The following TRNT1 variants were observed in gnomAD, a reference collection of about 807,000 sequenced individuals.
TRNT1 encodes CCA tRNA nucleotidyltransferase 1, mitochondrial.
In TRNT1, 44 loss-of-function variants were observed where a neutral mutation model predicts 45.6. The ratio of observed to expected loss-of-function variants is 0.97; its 90% CI spans 0.76 to 1.24. TRNT1 has a LOEUF of 1.24. TRNT1 is among the 50% of genes most tolerant of loss of function. The probability of loss-of-function intolerance (pLI) is 0.00; values close to 1 mark genes in which losing one functional copy is unlikely to be tolerated. For synonymous variants in TRNT1, 201 were observed against 171.4 expected (o/e 1.17, Z -1.35); for missense variants, 633 against 504.4 (o/e 1.25, Z -2.44).
chr3:3,130,046 G>C, intron 2 of TRNT1: 1 of 1,237,526 alleles, frequency 8.1e-7, no homozygotes, highest in Non-Finnish European at 1.1e-6. Context: ...GCTTCTTGCT[G>C]TTGCCACAGT....
chr3:3,149,210 A>C (rs930021165), downstream of TRNT1: 1 of 152,160 alleles, frequency 6.6e-6, no homozygotes, highest in Admixed American at 6.5e-5. Flanking sequence ...GATGCAAGAA[A>C]GCCTCAGAAA....
chr3:3,127,142 A>G (rs1704631534), intron 1 of TRNT1, 152 bp downstream of exon 1: 1 of 152,232 alleles, frequency 6.6e-6, no homozygotes, highest in East Asian at 1.9e-4. Flanking sequence ...AGTGGGCAAA[A>G]TAGCCCCGAC....
At chr3:3,128,968 C>G in intron 1 of TRNT1, 46 bp from the exon 2 acceptor site, 1 of 1,389,680 alleles carries the variant, frequency 7.2e-7, no homozygotes, top group African/African-American at 1.4e-5. Flanking sequence ...CCTTCACTTA[C>G]CTTCACTTTT....
At position 3,148,138 on chromosome 3, in the gene TRNT1, A is replaced by T. The variant is rs774429750; in HGVS notation, c.1289A>T (p.Tyr430Phe). ...ATGGAAAAAGATGAACTTCTGAGTTACATAAAGAAGACCTAAAACTGATGG... is the reference window on the plus strand; with the variant it reads ...ATGGAAAAAGATGAACTTCTGAGTTTCATAAAGAAGACCTAAAACTGATGG... The part of the protein sequence containing the change: ...YQMEKDELLS[Y>F]IKKT The change falls in exon 8 of 8, where the codon TAC (tyrosine) becomes TTC (phenylalanine). Residue 430 changes from tyrosine (Y) to phenylalanine (F), a missense_variant. Transcript: ENST00000251607. The T allele has an allele frequency of 5.6e-6, 9 of 1,613,244 alleles. No individual in the cohort carries two copies. In the African/African-American group the frequency reaches 1.2e-4, roughly 22 times the overall value.
chr3:3,130,952 T>G lies in TRNT1; in HGVS notation c.148+1764T>G, dbSNP rs144814551. Among the ~76,000 whole-genome samples, 44 of 152,000 alleles carry G rather than the reference T, an allele frequency of 2.9e-4. 1 individual carries two copies. Among genetic ancestry groups the G allele is most frequent in the East Asian group, 1.7e-3 (9 of 5,158 alleles). Reference sequence around the variant, plus strand: ...TGAAAAATAGGCAAGCATACTGATATGTGTCTGTAGTCCCTGCTACTTGGG... The same window carrying G: ...TGAAAAATAGGCAAGCATACTGATAGGTGTCTGTAGTCCCTGCTACTTGGG... On this transcript the variant is annotated intron_variant, in intron 2 of 7. Transcript: ENST00000251607.
chr3:3,150,320 A>C (rs1706427116), downstream of TRNT1: 1 of 151,738 alleles, frequency 6.6e-6, no homozygotes, highest in African/African-American at 2.5e-5. Flanking sequence ...TTTACAAATC[A>C]GTATCTCAGA....
chr3:3,131,091 AATT>A (rs1179434040), intron 2 of TRNT1, among the ~76,000 whole-genome samples: 4 of 151,940 alleles, frequency 2.6e-5, no homozygotes, highest in Non-Finnish European at 5.9e-5. Flanking sequence ...AAAAAAAAAA[AATT>A]AATGAGATAT....
In TRNT1 at chr3:3,137,435, C is replaced by G; in HGVS notation, c.324C>G (p.His108Gln). The G allele has an allele frequency of 6.2e-7, 1 of 1,610,564 alleles. No homozygotes were observed. The highest frequency in any genetic ancestry group is 2.2e-5 in the East Asian group (1 of 44,798). Reference protein sequence around the residue: ...IRMINNRGEKHGTITARLHEE... With the variant: ...IRMINNRGEKQGTITARLHEE... The stretch of plus-strand genomic sequence containing the variant: ...TGATAAACAACAGAGGAGAAAAGCA[C>G]GGAACAATTACTGCCAGGGTGAGTC... The change falls in exon 3 of 8, where the codon CAC becomes CAG. Residue 108 changes from histidine (H) to glutamine (Q), a missense_variant. Coordinates refer to ENST00000251607, the MANE Select transcript of TRNT1 (RefSeq NM_182916.3).
rs755268217 is a variant in TRNT1, at chr3:3,140,679, G to A, written c.481+31G>A. On this transcript the variant is annotated intron_variant, in intron 4 of 7. Transcript: ENST00000251607. ...ATTTGCAGATAAAACCATATTGTGA[G>A]TCTATCAGAATGCCTTCTTTTCAAG... The A allele has an allele frequency of 2.0e-5, 32 of 1,605,254 alleles. No individual in the cohort carries two copies. The Admixed American group carries it at 2.7e-4, about 14-fold the overall frequency.
chr3:3,147,376 G>A lies in TRNT1; in HGVS notation c.803-74G>A, dbSNP rs2306767. 0.16 allele frequency: 240,047 copies of A among 1,531,206 alleles called. 20,029 individuals are homozygous for A. The highest frequency in any genetic ancestry group is 0.25 in the Admixed American group (13,223 of 52,088). 94.9% of individuals were successfully genotyped at this position (1,531,206 alleles called of 1,614,324 possible). The stretch of plus-strand genomic sequence containing the variant: ...ACAAAGCATTTCTGGATACTAAAAT[G>A]GTGGCAAGGTTTAGGATATGAGTGG... On this transcript the variant is annotated intron_variant, in intron 6 of 7. Coordinates refer to ENST00000251607, the MANE Select transcript of TRNT1 (RefSeq NM_182916.3).
intron 4 of TRNT1, among the ~76,000 whole-genome samples, chr3:3,144,229 C>G (rs548323393): frequency 6.6e-6 from 1 of 152,218 alleles, no homozygotes; most frequent in South Asian, 2.1e-4. Context: ...TTCTGTTAAT[C>G]CTGTTACGTA....
chr3:3,146,601 T>C lies in TRNT1; in HGVS notation c.780T>C (p.Asp260=), dbSNP rs150433086. ...HVNHLIHLIY[D]LDVAPYIGLP... is the part of the protein sequence containing the mutation. ...ATCATTTGATTCACCTTATCTATGA[T>C]CTTGATGTGGCTCCTTATATAGGTG... Residue 260 remains aspartate (D), a synonymous_variant, in exon 6 of 8, where the codon GAT becomes GAC. Transcript: ENST00000251607. 10 of 1,612,690 alleles carry C rather than the reference T, an allele frequency of 6.2e-6. No homozygotes were observed. In the East Asian group the frequency reaches 2.0e-4, roughly 32 times the overall value.
downstream of TRNT1, chr3:3,152,918 A>AGGTC: frequency 2.8e-6 from 1 of 361,670 alleles, no homozygotes. Flanking sequence ...TGCAATGACA[A>AGGTC]GGTCCTGTGT....
rs334767 is a variant in TRNT1, at chr3:3,137,578, A to T, written c.342+125A>T. 707,042 of 724,576 alleles carry T rather than the reference A, an allele frequency of 0.98. 346,974 individuals carry two copies. The highest frequency in any genetic ancestry group is 1 in the East Asian group (35,090 of 35,090). The allele number at this position is 724,576 out of a possible 1,614,324, so 44.9% of individuals were successfully genotyped here. Reference sequence around the variant, plus strand: ...AAAGTCAGTCTCTTCTATGCCCGTCATAAACCCTGCAGTCCTCTGTTCTTG... The same window carrying T: ...AAAGTCAGTCTCTTCTATGCCCGTCTTAAACCCTGCAGTCCTCTGTTCTTG... On this transcript the variant is annotated intron_variant, in intron 3 of 7. Transcript: ENST00000251607.
chr3:3,152,068 C>G (rs1706596745), downstream of TRNT1, among the ~76,000 whole-genome samples: 2 of 152,090 alleles, frequency 1.3e-5, no homozygotes, highest in Admixed American at 6.5e-5. Flanking sequence ...TCAACCTTTT[C>G]TTCCTTTCAT....
chr3:3,149,553 A>G (rs541810858), downstream of TRNT1: 9 of 151,968 alleles, frequency 5.9e-5, no homozygotes, highest in African/African-American at 1.4e-4. Flanking sequence ...GAGAGGTACT[A>G]TGCTACTGAC....
Position 3,144,654 on chromosome 3 carries a change from T to C in TRNT1, c.552T>C (p.Val184=). 1.9e-6 allele frequency: 3 copies of C among 1,582,240 alleles called. No homozygotes were observed. In the South Asian group the frequency reaches 3.4e-5, roughly 18 times the overall value. The change falls in exon 5 of 8, where the codon GTT becomes GTC. Residue 184 remains valine (V), a synonymous_variant. Coordinates refer to ENST00000251607, the MANE Select transcript of TRNT1 (RefSeq NM_182916.3). The part of the protein sequence containing the change: ...EDLKNKKVRF[V]GHAKQRIQED... ...TAAAAAATAAGAAAGTTAGATTTGT[T>C]GGACATGCTAAACAGAGAATACAAG...
downstream of TRNT1, chr3:3,150,332 A>AAGTT (rs1223469168): frequency 6.6e-6 from 1 of 152,384 alleles, no homozygotes; most frequent in African/African-American, 2.4e-5. Flanking sequence ...TATCTCAGAG[A>AAGTT]AGTTAAAGAA....
downstream of TRNT1, chr3:3,152,364 A>G: frequency 7.5e-7 from 1 of 1,338,474 alleles, no homozygotes; most frequent in Non-Finnish European, 1.0e-6. Flanking sequence ...TTTTATTATA[A>G]AGATTGTGGC....
Sources: allele counts gnomAD v4.1 joint callset (sites outside exome capture counted in the v4.1 genomes callset), GRCh38; gene constraint gnomAD v4.1.1; transcripts MANE v1.5; gene names NCBI Gene and HGNC (gene_info 2026-07-23, HGNC 2026-07-21).